Variants in ENTPD1 observed in about 807,000 individuals in gnomAD.
ENTPD1 encodes ectonucleoside triphosphate diphosphohydrolase 1, also known as ATP diphosphohydrolase.
A neutral mutation model predicts 57.0 loss-of-function variants in ENTPD1; 33 were observed. That is an observed-to-expected ratio of 0.58 (90% CI 0.44 to 0.77). The LOEUF is 0.77. Among genes scored for constraint, ENTPD1 ranks in the 30% least tolerant of loss-of-function variants. The pLI, the probability that ENTPD1 is intolerant of heterozygous loss-of-function variation, is 0.00. For synonymous variants in ENTPD1, 202 were observed against 218.8 expected (o/e 0.92, Z 0.68); for missense variants, 501 against 603.4 (o/e 0.83, Z 1.78).
rs2098002583 is a variant in ENTPD1 at position 95,743,518 on chromosome 10, A to T, written c.37+31525A>T. 2.0e-5 allele frequency among the ~76,000 whole-genome samples: 3 copies of T among 152,172 alleles called. No homozygotes were observed. The South Asian group carries it at 6.2e-4, about 31-fold the overall frequency. On this transcript the variant is annotated intron_variant, in intron 1 of 9. Coordinates refer to the ENTPD1 transcript ENST00000453258. ...AGAGAGTGGAGTATTTATGTAACTC[A>T]TTTGAAATTCTTCTGTATGGATTTG...
chr10:95,789,082 A>C (rs574582353), intron 1 of ENTPD1, among the ~76,000 whole-genome samples: 1 of 152,356 alleles, frequency 6.6e-6, no homozygotes, highest in Non-Finnish European at 1.5e-5. Flanking sequence ...TGGATGATGC[A>C]AAGGAATTGG....
At chr10:95,700,795 CT>C in the ENTPD1 span, among the ~76,000 whole-genome samples, 1,010 of 143,926 alleles carry the variant, frequency 7.0e-3, 1 homozygote, top group Middle Eastern at 0.025. Context: ...GAAGTATATT[CT>C]TTTTTTTTTT....
chr10:95,848,083 G>T (rs921117218), intron 7 of ENTPD1, among the ~76,000 whole-genome samples: 1 of 152,148 alleles, frequency 6.6e-6, no homozygotes, highest in African/African-American at 2.4e-5. Flanking sequence ...CTGACTAGGG[G>T]GTTGTGCCCA....
At chr10:95,750,715 G>T (rs372493342), upstream of ENTPD1, among the ~76,000 whole-genome samples, 7 of 152,306 alleles carry the variant, frequency 4.6e-5, no homozygotes, top group South Asian at 4.1e-4. Flanking sequence ...TCTGAGCAGG[G>T]TAATAGCTTG....
intron 1 of ENTPD1, among the ~76,000 whole-genome samples, chr10:95,813,206 C>T (rs1047840669): frequency 2.0e-5 from 3 of 152,158 alleles, no homozygotes; most frequent in Admixed American, 2.0e-4. Flanking sequence ...AGAAACATAT[C>T]TGGAGGGAGG....
chr10:95,736,022 A>T (rs2097994327), intron 1 of ENTPD1, among the ~76,000 whole-genome samples: 1 of 132,318 alleles, frequency 7.6e-6, no homozygotes, highest in South Asian at 2.4e-4. Context: ...TTTTTTTGAG[A>T]CAGAGTCTCA....
Position 95,789,654 on chromosome 10 carries a change from A to G in ENTPD1, c.16+33399A>G, listed in dbSNP as rs148992542. On this transcript the variant is annotated intron_variant, in intron 1 of 9. Coordinates refer to ENST00000371205, the MANE Select transcript of ENTPD1 (RefSeq NM_001776.6). ...TCATGAATGCATAAAATATATGTAG[A>G]TATTAATCTATCATTACTACCATGA... is the stretch of plus-strand genomic sequence containing the variant. Among the ~76,000 whole-genome samples the G allele has an allele frequency of 1.7e-3, 259 of 152,326 alleles. 4 individuals are homozygous for G. The Middle Eastern group carries it at 0.02, about 12-fold the overall frequency.
chr10:95,851,479 T>G (rs1415381283), intron 7 of ENTPD1, among the ~76,000 whole-genome samples: 1 of 152,036 alleles, frequency 6.6e-6, no homozygotes, highest in African/African-American at 2.4e-5. Flanking sequence ...GTACACAACA[T>G]GCAGGTTTGT....
At chr10:95,783,461 C>T (rs546568667) in intron 1 of ENTPD1, among the ~76,000 whole-genome samples, 1 of 152,264 alleles carries the variant, frequency 6.6e-6, no homozygotes, top group South Asian at 2.1e-4. Context: ...AACTTCAGAG[C>T]AAACACGCAC....
chr10:95,843,066 A>C (rs1282574530), intron 4 of ENTPD1: 1 of 152,258 alleles, frequency 6.6e-6, no homozygotes, highest in African/African-American at 2.4e-5. Flanking sequence ...GGCCCTGCCC[A>C]GGGTGAGAGG....
intron 8 of ENTPD1, 74 bp from the exon 9 acceptor site, chr10:95,864,650 G>C: frequency 6.3e-7 from 1 of 1,591,888 alleles, no homozygotes; most frequent in Non-Finnish European, 8.6e-7. Flanking sequence ...CTTCATCAGG[G>C]CTAGTAGAGA....
chr10:95,709,300 C>T (rs1270438273), upstream of ENTPD1, among the ~76,000 whole-genome samples: 1 of 152,058 alleles, frequency 6.6e-6, no homozygotes, highest in Non-Finnish European at 1.5e-5. Flanking sequence ...TTCATGTTTC[C>T]ACCACCACAG....
intron 1 of ENTPD1, among the ~76,000 whole-genome samples, chr10:95,730,726 G>A (rs2097988274): frequency 6.6e-6 from 1 of 152,134 alleles, no homozygotes; most frequent in Admixed American, 6.5e-5. Context: ...CTTCCTAATT[G>A]AAAAACACAA....
intron 1 of ENTPD1, among the ~76,000 whole-genome samples, chr10:95,793,595 G>T (rs1219335117): frequency 1.3e-5 from 2 of 152,188 alleles, no homozygotes; most frequent in South Asian, 2.1e-4. Context: ...CAACTTGTTA[G>T]AAATGCATAT....
At chr10:95,852,394 G>C (rs1451334986) in intron 7 of ENTPD1, among the ~76,000 whole-genome samples, 1 of 152,176 alleles carries the variant, frequency 6.6e-6, no homozygotes, top group Non-Finnish European at 1.5e-5. Context: ...TGTTCACTCT[G>C]ATGGTAGTTT....
intron 1 of ENTPD1, among the ~76,000 whole-genome samples, chr10:95,796,786 A>C (rs920538079): frequency 6.6e-6 from 1 of 152,142 alleles, no homozygotes; most frequent in African/African-American, 2.4e-5. Flanking sequence ...GAAGAAATAC[A>C]GAGAGAAATG....
At chr10:95,698,003 C>T in the ENTPD1 span, among the ~76,000 whole-genome samples, 8 of 152,088 alleles carry the variant, frequency 5.3e-5, no homozygotes, top group East Asian at 1.9e-4. Flanking sequence ...GTGATTCTGG[C>T]GAGACTCAGA....
chr10:95,722,292 T>C (rs1055739550), intron 1 of ENTPD1, among the ~76,000 whole-genome samples: 2 of 151,512 alleles, frequency 1.3e-5, no homozygotes, highest in Admixed American at 6.6e-5. Context: ...ATTTTTTAAT[T>C]TTTTATTTAT....
At chr10:95,784,784 G>C (rs375948535) in intron 1 of ENTPD1, among the ~76,000 whole-genome samples, 1 of 152,272 alleles carries the variant, frequency 6.6e-6, no homozygotes, top group African/African-American at 2.4e-5. Context: ...GTAGTGGCAA[G>C]ATATGAGCAT....
Sources: allele counts gnomAD v4.1 joint callset (sites outside exome capture counted in the v4.1 genomes callset), GRCh38; gene constraint gnomAD v4.1.1; transcripts MANE v1.5; gene names NCBI Gene and HGNC (gene_info 2026-07-23, HGNC 2026-07-21).